MSR1: variants seen among roughly 807,000 people sequenced by gnomAD.
MSR1 encodes macrophage scavenger receptor types I and II.
Under a neutral mutation model 47.2 loss-of-function variants are expected in MSR1, and 53 were observed. That is an observed-to-expected ratio of 1.12 (90% CI 0.90 to 1.41). The LOEUF (loss-of-function observed/expected upper bound fraction) is 1.41. Among genes scored for constraint, MSR1 ranks in the 40% most tolerant of loss-of-function variants. The probability of loss-of-function intolerance (pLI) is 0.00; values close to 1 mark genes in which losing one functional copy is unlikely to be tolerated. For synonymous variants in MSR1, 239 were observed against 185.6 expected (o/e 1.29, Z -2.34); for missense variants, 786 against 546.9 (o/e 1.44, Z -4.36).
intron 9 of MSR1, among the ~76,000 whole-genome samples, chr8:16,112,543 A>G (rs1799781024): frequency 1.3e-5 from 2 of 152,118 alleles, no homozygotes; most frequent in Admixed American, 1.3e-4. Context: ...GGAAAAATTT[A>G]TTTAATACAC....
chr8:16,192,457 G>C (rs73665258), intron 1 of MSR1, 141 bp downstream of exon 1: 1 of 151,498 alleles, frequency 6.6e-6, no homozygotes. Context: ...ATACAATAAA[G>C]CATTCATCTC....
rs550703584 is a variant in MSR1 at position 16,169,035 on chromosome 8, C to T, written c.218-165G>A. On this transcript the variant is annotated intron_variant, in intron 3 of 9. Coordinates refer to ENST00000262101, the MANE Select transcript of MSR1 (RefSeq NM_138715.3). ...TTTTTAATCTACAACGTGTGAACTA[C>T]GCTACGTATATTGCTGAGAAGCATA... Among the ~76,000 whole-genome samples, 19 of 152,098 alleles carry T rather than the reference C, an allele frequency of 1.2e-4. No homozygotes were observed. The South Asian group carries it at 1.9e-3, about 15-fold the overall frequency.
chr8:16,183,588 A>G (rs1801901836), intron 1 of MSR1, among the ~76,000 whole-genome samples: 1 of 142,584 alleles, frequency 7.0e-6, no homozygotes, highest in African/African-American at 2.6e-5. Context: ...TTAATATATT[A>G]CATAATATAT....
Position 16,107,931 on chromosome 8 carries a change from A to C in MSR1, c.*2154T>G, listed in dbSNP as rs2117037745. The C allele has an allele frequency of 1.3e-5, 2 of 152,030 alleles. No individual in the cohort carries two copies. Among genetic ancestry groups the C allele is most frequent in the Middle Eastern group, 6.8e-3 (2 of 294 alleles). The allele number at this position is 152,030 out of a possible 1,614,324, so 9.4% of individuals were successfully genotyped here. On this transcript the variant is annotated 3_prime_UTR_variant, in exon 10 of 10. Coordinates refer to ENST00000262101, the MANE Select transcript of MSR1 (RefSeq NM_138715.3). ...CAAATGCAATTCAACATTCCAAAGT[A>C]AATTAAGTCCTCAATTTGTATTGGT...
chr8:16,140,043 T>C (rs938104933), intron 8 of MSR1: 30 of 826,842 alleles, frequency 3.6e-5, no homozygotes, highest in Non-Finnish European at 4.4e-5. Flanking sequence ...TCTTATTAGC[T>C]GTTATGTCCA....
intron 1 of MSR1, among the ~76,000 whole-genome samples, chr8:16,188,375 C>T (rs1402692391): frequency 6.6e-6 from 1 of 151,964 alleles, no homozygotes; most frequent in African/African-American, 2.4e-5. Context: ...AAACTCGAGT[C>T]TTTGGATGTA....
intron 5 of MSR1, among the ~76,000 whole-genome samples, chr8:16,155,750 A>C (rs1036722180): frequency 1.3e-5 from 2 of 151,962 alleles, no homozygotes; most frequent in Non-Finnish European, 2.9e-5. Flanking sequence ...AAGGAAGACA[A>C]TTCCTAGGGA....
intron 5 of MSR1, among the ~76,000 whole-genome samples, chr8:16,157,574 G>C (rs1201063939): frequency 6.6e-6 from 1 of 151,826 alleles, no homozygotes; most frequent in Non-Finnish European, 1.5e-5. Context: ...CATTGTTATA[G>C]ATCTTTTACT....
intron 8 of MSR1, among the ~76,000 whole-genome samples, chr8:16,121,372 G>A (rs1409448814): frequency 6.6e-6 from 1 of 151,986 alleles, no homozygotes; most frequent in East Asian, 1.9e-4. Flanking sequence ...ATAAACTTTT[G>A]TAAAATCTTG....
chr8:16,128,089 T>A (rs2117077939), intron 8 of MSR1, among the ~76,000 whole-genome samples: 1 of 152,274 alleles, frequency 6.6e-6, no homozygotes. Flanking sequence ...CCAGAATGCA[T>A]CAAATTTACT....
At position 16,126,209 on chromosome 8, in the gene MSR1, G is replaced by A. The variant is rs557514185; in HGVS notation, c.1034-5603C>T. Among the ~76,000 whole-genome samples the A allele has an allele frequency of 3.3e-5, 5 of 152,110 alleles. No individual in the cohort carries two copies. The South Asian group carries it at 8.3e-4, about 25-fold the overall frequency. On this transcript the variant is annotated intron_variant, in intron 8 of 9. Transcript: ENST00000262101. The stretch of plus-strand genomic sequence containing the variant: ...AAAAGATACTACGAATCTATTCATC[G>A]CTGTTAGAAAGACAACATTCAAACT...
intron 8 of MSR1, among the ~76,000 whole-genome samples, chr8:16,137,931 G>A (rs1293262181): frequency 6.6e-6 from 1 of 151,766 alleles, no homozygotes; most frequent in African/African-American, 2.4e-5. Context: ...GCTTAAAGCT[G>A]CAGGGAGCTA....
At chr8:16,168,344 TA>T in intron 4 of MSR1, 113 bp downstream of exon 4, 1 of 1,011,664 alleles carries the variant, frequency 9.9e-7, no homozygotes, top group Non-Finnish European at 1.5e-6. Flanking sequence ...GAAATCAGGG[TA>T]AACAGGATGA....
At chr8:16,187,841 C>T (rs1366662127) in intron 1 of MSR1, among the ~76,000 whole-genome samples, 2 of 152,160 alleles carry the variant, frequency 1.3e-5, no homozygotes, top group African/African-American at 4.8e-5. Context: ...ATATTACCCT[C>T]AGTGAACCCA....
intron 1 of MSR1, among the ~76,000 whole-genome samples, chr8:16,185,699 C>A (rs557149985): frequency 6.6e-6 from 1 of 151,970 alleles, no homozygotes; most frequent in Non-Finnish European, 1.5e-5. Context: ...TCCAGCCAGG[C>A]ATCTTGGGTA....
chr8:16,153,916 T>C (rs1800928454), intron 6 of MSR1, among the ~76,000 whole-genome samples: 1 of 151,994 alleles, frequency 6.6e-6, no homozygotes, highest in African/African-American at 2.4e-5. Flanking sequence ...ATAAAAATTC[T>C]TTCCTGGCAA....
At chr8:16,142,068 T>C (rs953658868) in intron 8 of MSR1, among the ~76,000 whole-genome samples, 2 of 152,048 alleles carry the variant, frequency 1.3e-5, no homozygotes, top group African/African-American at 4.8e-5. Flanking sequence ...TGGTGGCTCA[T>C]GCCTGTAATC....
At chr8:16,128,184 C>T (rs980717037) in intron 8 of MSR1, among the ~76,000 whole-genome samples, 3 of 152,134 alleles carry the variant, frequency 2.0e-5, no homozygotes, top group African/African-American at 7.2e-5. Flanking sequence ...ACAGTTCCAG[C>T]CGTGTGCTGC....
intron 9 of MSR1, among the ~76,000 whole-genome samples, chr8:16,113,040 C>T (rs1799796063): frequency 6.7e-6 from 1 of 148,304 alleles, no homozygotes; most frequent in Non-Finnish European, 1.5e-5. Context: ...ACTTCCGCTT[C>T]CTGGGTTCAA....
Sources: gnomAD v4.1 joint callset for allele counts (sites outside exome capture counted in the v4.1 genomes callset) on GRCh38, gnomAD v4.1.1 for gene constraint, MANE v1.5 for transcripts, NCBI Gene and HGNC (gene_info 2026-07-23, HGNC 2026-07-21) for gene names.